TENM2: variants seen among roughly 807,000 people sequenced by gnomAD.
TENM2 encodes teneurin transmembrane protein 2.
In TENM2, 52 loss-of-function variants were observed where a neutral mutation model predicts 245.2. That is an observed-to-expected ratio of 0.21 (90% CI 0.17 to 0.27). The LOEUF (loss-of-function observed/expected upper bound fraction) is 0.27. Among genes scored for constraint, TENM2 ranks in the 10% least tolerant of loss-of-function variants. TENM2 has a pLI of 1.00. For synonymous variants in TENM2, 1,363 were observed against 1,438.9 expected (o/e 0.95, Z 1.19); for missense variants, 3,046 against 3,666.8 (o/e 0.83, Z 4.37).
chr5:167,505,511 G>A (rs879924779), intron 2 of TENM2, among the ~76,000 whole-genome samples: 32 of 152,164 alleles, frequency 2.1e-4, no homozygotes, highest in Admixed American at 1.4e-3. Context: ...CTGAACTGTA[G>A]TTATTATATG....
intron 2 of TENM2, among the ~76,000 whole-genome samples, chr5:167,629,854 G>A (rs527450931): frequency 1.5e-3 from 221 of 151,926 alleles, no homozygotes; most frequent in Non-Finnish European, 2.5e-3. Flanking sequence ...ATCTTGTTGC[G>A]TGATTCATTA....
At chr5:167,553,557 T>C (rs981726713) in intron 2 of TENM2, among the ~76,000 whole-genome samples, 4 of 151,972 alleles carry the variant, frequency 2.6e-5, no homozygotes, top group Admixed American at 1.3e-4. Flanking sequence ...ACTAGAGTGG[T>C]GGATAATGAA....
chr5:168,041,516 A>G (rs1788185354), intron 5 of TENM2, among the ~76,000 whole-genome samples: 1 of 152,158 alleles, frequency 6.6e-6, no homozygotes, highest in South Asian at 2.1e-4. Flanking sequence ...CAATTCCTTT[A>G]TGTCTTTGCT....
At chr5:167,980,166 T>A (rs1217370157) in intron 4 of TENM2, among the ~76,000 whole-genome samples, 1 of 152,070 alleles carries the variant, frequency 6.6e-6, no homozygotes, top group Non-Finnish European at 1.5e-5. Flanking sequence ...GAAAGGCATG[T>A]GACAAACAAG....
intron 25 of TENM2, among the ~76,000 whole-genome samples, chr5:168,240,210 ACT>A (rs1298493366): frequency 6.6e-6 from 1 of 152,054 alleles, no homozygotes; most frequent in East Asian, 1.9e-4. Flanking sequence ...ACAGAGCGAG[ACT>A]CTGTCTCAAA....
intron 6 of TENM2, among the ~76,000 whole-genome samples, chr5:168,059,188 G>A (rs1235235720): frequency 6.6e-6 from 1 of 152,162 alleles, no homozygotes; most frequent in African/African-American, 2.4e-5. Flanking sequence ...ATAAGGAAGA[G>A]GACCTCACTG....
intron 2 of TENM2, among the ~76,000 whole-genome samples, chr5:167,794,402 A>C (rs1405850390): frequency 6.6e-6 from 1 of 152,220 alleles, no homozygotes; most frequent in Non-Finnish European, 1.5e-5. Context: ...CGTCATCAGT[A>C]GCAATTCCTC....
chr5:167,168,677 G>A, the TENM2 span, among the ~76,000 whole-genome samples: 1 of 152,144 alleles, frequency 6.6e-6, no homozygotes, highest in African/African-American at 2.4e-5. Context: ...CAGTTGTAGC[G>A]GCTAGCACAA....
At chr5:168,229,085 A>ATATT in intron 25 of TENM2, among the ~76,000 whole-genome samples, 1 of 149,276 alleles carries the variant, frequency 6.7e-6, no homozygotes, top group South Asian at 2.1e-4. Flanking sequence ...TATAATTATA[A>ATATT]TATTATAATG....
chr5:167,471,739 C>G (rs188069393), intron 2 of TENM2, among the ~76,000 whole-genome samples: 1 of 152,124 alleles, frequency 6.6e-6, no homozygotes, highest in Non-Finnish European at 1.5e-5. Flanking sequence ...TGGTGATAGA[C>G]GCAGAAGTAT....
chr5:167,560,554 C>T (rs547964207), intron 2 of TENM2, among the ~76,000 whole-genome samples: 2 of 152,286 alleles, frequency 1.3e-5, no homozygotes, highest in East Asian at 3.9e-4. Context: ...TCTTCCACTT[C>T]ACAGCTGGGC....
chr5:167,023,510 G>A, the TENM2 span, among the ~76,000 whole-genome samples: 1 of 152,150 alleles, frequency 6.6e-6, no homozygotes, highest in South Asian at 2.1e-4. Context: ...GACTCACCAT[G>A]TGAGCATAAA....
intron 9 of TENM2, among the ~76,000 whole-genome samples, chr5:168,112,610 G>A (rs2244626): frequency 7.7e-6 from 1 of 130,552 alleles, no homozygotes; most frequent in East Asian, 2.6e-4. Context: ...AGTGGGCGGG[G>A]GGGGGGTCAA....
chr5:167,292,762 G>A (rs1182818428), intron 1 of TENM2, among the ~76,000 whole-genome samples: 1 of 152,168 alleles, frequency 6.6e-6, no homozygotes, highest in Non-Finnish European at 1.5e-5. Context: ...ATGTAACTAG[G>A]TACCTTATAA....
At chr5:168,132,063 C>G (rs1484919061) in intron 12 of TENM2, among the ~76,000 whole-genome samples, 1 of 150,008 alleles carries the variant, frequency 6.7e-6, no homozygotes, top group East Asian at 2.0e-4. Flanking sequence ...ACATGAGCTT[C>G]CTTACTGCAG....
the TENM2 span, among the ~76,000 whole-genome samples, chr5:167,278,040 A>G: frequency 6.6e-6 from 1 of 152,080 alleles, no homozygotes; most frequent in Non-Finnish European, 1.5e-5. Context: ...ATGGTGGCTC[A>G]TGCCTGTAAT....
At chr5:167,783,632 ATACTGACCTTATGGAGATGC>A (rs1424911752) in intron 2 of TENM2, among the ~76,000 whole-genome samples, 1 of 152,180 alleles carries the variant, frequency 6.6e-6, no homozygotes, top group Non-Finnish European at 1.5e-5. Context: ...CTCTTCCTCT[ATACTGACCTTATGGAGATGC>A]TGCTGGCCTT....
chr5:168,025,481 A>G (rs968348999), intron 5 of TENM2, among the ~76,000 whole-genome samples: 1 of 152,216 alleles, frequency 6.6e-6, no homozygotes, highest in Admixed American at 6.5e-5. Flanking sequence ...ATAGACATTA[A>G]TAAATGATGT....
intron 2 of TENM2, among the ~76,000 whole-genome samples, chr5:167,499,183 C>G (rs549215761): frequency 6.6e-6 from 1 of 152,066 alleles, no homozygotes; most frequent in Non-Finnish European, 1.5e-5. Context: ...TCCTTGTATT[C>G]TTAGCATTCT....
Sources: allele counts gnomAD v4.1 joint callset (sites outside exome capture counted in the v4.1 genomes callset), GRCh38; gene constraint gnomAD v4.1.1; transcripts MANE v1.5; gene names NCBI Gene and HGNC (gene_info 2026-07-23, HGNC 2026-07-21).